SLC8A3: variants seen among roughly 807,000 people sequenced by gnomAD.
SLC8A3 encodes solute carrier family 8 member A3.
Under a neutral mutation model 65.4 loss-of-function variants are expected in SLC8A3, and 37 were observed. The observed-to-expected ratio is 0.57, with a 90% CI of 0.44 to 0.74. SLC8A3 has a LOEUF of 0.74. Among genes scored for constraint, SLC8A3 ranks in the 30% least tolerant of loss-of-function variants. The probability of loss-of-function intolerance (pLI) is 0.00; values close to 1 mark genes in which losing one functional copy is unlikely to be tolerated. For synonymous variants in SLC8A3, 461 were observed against 444.5 expected (o/e 1.04, Z -0.47); for missense variants, 1,112 against 1,172.1 (o/e 0.95, Z 0.75).
At chr14:70,137,990 T>C (rs56935411) in intron 2 of SLC8A3, among the ~76,000 whole-genome samples, 17,618 of 152,082 alleles carry the variant, frequency 0.12, 1,232 homozygotes, top group Non-Finnish European at 0.16. Context: ...CCGCTCAATC[T>C]CCTCCATACA....
rs752688816 is a variant in SLC8A3, at chr14:70,166,647, A to G, written c.1776T>C (p.Asp592=). 1 of 1,582,616 alleles carries G rather than the reference A, an allele frequency of 6.3e-7. No homozygotes were observed. Among genetic ancestry groups the G allele is most frequent in the Admixed American group, 1.8e-5 (1 of 57,024 alleles). The change falls in exon 2 of 7, where the codon GAT becomes GAC. Residue 592 remains aspartate, a synonymous_variant. Transcript: ENST00000356921. ...ACAGGAAGGTTACTTACACAGTTTCATCATTCTTGAATTCCAACTCCCCAT... is the reference window on the plus strand; with the variant it reads ...ACAGGAAGGTTACTTACACAGTTTCGTCATTCTTGAATTCCAACTCCCCAT... ...DTYGELEFKN[D]ETVKTIRVKI...
chr14:70,069,519 C>G (rs549519856), intron 2 of SLC8A3, among the ~76,000 whole-genome samples: 2 of 152,176 alleles, frequency 1.3e-5, no homozygotes, highest in Non-Finnish European at 2.9e-5. Context: ...GGAGGAGCTG[C>G]GAACCTTTCC....
Position 70,168,195 on chromosome 14 carries a change from C to T in SLC8A3, c.228G>A (p.Arg76=), listed in dbSNP as rs746154049. Residue 76 remains arginine (R), a synonymous_variant, in exon 2 of 7, where the codon AGG becomes AGA. Transcript: ENST00000356921. ...ENPSLGDKIA[R]VIVYFVALIY... ...TCAGGGCCACAAAATAGACAATGAC[C>T]CTGGCAATCTTGTCCCCAAGGGAAG... 1.9e-6 allele frequency: 3 copies of T among 1,613,960 alleles called. No individual in the cohort carries two copies. In the African/African-American group the frequency reaches 4.0e-5, roughly 22 times the overall value.
At position 70,045,776 on chromosome 14, in the gene SLC8A3, A is replaced by T; in HGVS notation, c.*171T>A. On this transcript the variant is annotated 3_prime_UTR_variant, in exon 7 of 7. Coordinates refer to ENST00000356921, the MANE Select transcript of SLC8A3 (RefSeq NM_182932.3). ...TTCCTCCATTGTTTGATTGATTAAGACTTTGCCCTTTCAGTTAATTGCCAG... is the reference window on the plus strand; with the variant it reads ...TTCCTCCATTGTTTGATTGATTAAGTCTTTGCCCTTTCAGTTAATTGCCAG... The T allele has an allele frequency of 1.7e-6, 1 of 592,026 alleles. No individual in the cohort carries two copies. Among genetic ancestry groups the T allele is most frequent in the South Asian group, 2.6e-5 (1 of 38,682 alleles). 36.7% of individuals were successfully genotyped at this position (592,026 alleles called of 1,614,324 possible).
chr14:70,118,711 C>G (rs1040201408), intron 2 of SLC8A3, among the ~76,000 whole-genome samples: 6 of 152,136 alleles, frequency 3.9e-5, no homozygotes, highest in Non-Finnish European at 8.8e-5. Flanking sequence ...TTCCAAGAGG[C>G]CTTTGAAGCA....
At chr14:70,075,785 G>T (rs1426952728) in intron 2 of SLC8A3, among the ~76,000 whole-genome samples, 2 of 152,078 alleles carry the variant, frequency 1.3e-5, no homozygotes, top group African/African-American at 4.8e-5. Flanking sequence ...TCTTTCATAG[G>T]TTCCCATTGC....
At chr14:70,158,940 A>G (rs1896728805) in intron 2 of SLC8A3, among the ~76,000 whole-genome samples, 1 of 152,200 alleles carries the variant, frequency 6.6e-6, no homozygotes, top group African/African-American at 2.4e-5. Flanking sequence ...AAAGCATTTG[A>G]TTCTTGCAAA....
chr14:70,168,251 C>T lies in SLC8A3; in HGVS notation c.172G>A (p.Val58Ile). Residue 58 changes from valine to isoleucine, a missense_variant, in exon 2 of 7, where the codon GTC becomes ATC. Coordinates refer to ENST00000356921, the MANE Select transcript of SLC8A3 (RefSeq NM_182932.3). ...TCCGGGTACCAGATTGGCAGGATGA[C>T]ACCCTCCTTGCAGTCCGATGACCCT... ...CSGSSDCKEG[V>I]ILPIWYPENP... 6.2e-7 allele frequency: 1 copy of T among 1,614,166 alleles called. No homozygotes were observed. The highest frequency in any genetic ancestry group is 8.5e-7 in the Non-Finnish European group (1 of 1,180,030).
chr14:70,157,293 A>G (rs1023311245), intron 2 of SLC8A3, among the ~76,000 whole-genome samples: 3 of 152,150 alleles, frequency 2.0e-5, no homozygotes, highest in African/African-American at 4.8e-5. Context: ...CCACTTATAG[A>G]TAAAACTGTT....
rs1374898128 is a variant in SLC8A3, at chr14:70,167,797, CA to C, written c.625del (p.Trp209GlyfsTer11). On this transcript the variant is annotated frameshift_variant, in exon 2 of 7. Transcript: ENST00000356921. LOFTEE classifies it high-confidence loss of function. ...GAGCCAGATGTAGGCAAAGATACTC[CA>C]AGCAGCGGTGATGAAGAAGACTCGT... ...HLRVFFITAA[W>X]SIFAYIWLYM... 6.2e-7 allele frequency: 1 copy of C among 1,614,120 alleles called. No individual in the cohort carries two copies. The highest frequency in any genetic ancestry group is 8.5e-7 in the Non-Finnish European group (1 of 1,180,034).
rs1566769411 is a variant in SLC8A3 at position 70,086,409 on chromosome 14, T to TTTTTC, written c.1785-25471_1785-25470insGAAAA. Among the ~76,000 whole-genome samples, 20 of 145,502 alleles carry TTTTTC rather than the reference T, an allele frequency of 1.4e-4. No homozygotes were observed. The East Asian group carries it at 3.6e-3, about 26-fold the overall frequency. On this transcript the variant is annotated intron_variant, in intron 2 of 6. Coordinates refer to ENST00000356921, the MANE Select transcript of SLC8A3 (RefSeq NM_182932.3). ...TTTTCTTTTTCTTTTTTCTTTTTTT[T>TTTTTC]TTTTTTTTTTGAGATGGAGTCTCAC...
chr14:70,086,157 T>C (rs1891417667), intron 2 of SLC8A3, among the ~76,000 whole-genome samples: 1 of 152,184 alleles, frequency 6.6e-6, no homozygotes, highest in African/African-American at 2.4e-5. Flanking sequence ...TGCTAAATGC[T>C]TTCAACACAT....
Position 70,122,379 on chromosome 14 carries a change from AC to A in SLC8A3, c.1784+44259del, listed in dbSNP as rs1401526319. On this transcript the variant is annotated intron_variant, in intron 2 of 6. Transcript: ENST00000356921. The stretch of plus-strand genomic sequence containing the variant: ...CCCATGGGGTCCTTGTCCCCCAACC[AC>A]CCCTGTAGAAGAACTCCATCTTTAC... Among the ~76,000 whole-genome samples, 5 of 151,694 alleles carry A rather than the reference AC, an allele frequency of 3.3e-5. No individual in the cohort carries two copies. The South Asian group carries it at 1.0e-3, about 32-fold the overall frequency.
intron 2 of SLC8A3, among the ~76,000 whole-genome samples, chr14:70,118,856 G>A (rs1379101292): frequency 1.3e-5 from 2 of 152,050 alleles, no homozygotes; most frequent in African/African-American, 4.8e-5. Flanking sequence ...ACACACAATT[G>A]GTTTTCTAGG....
At chr14:70,092,239 C>T (rs528204373) in intron 2 of SLC8A3, among the ~76,000 whole-genome samples, 4 of 152,234 alleles carry the variant, frequency 2.6e-5, no homozygotes, top group African/African-American at 7.2e-5. Context: ...GTTTCTGTCT[C>T]GGGTGCACTT....
intron 2 of SLC8A3, among the ~76,000 whole-genome samples, chr14:70,079,200 G>A (rs1890806828): frequency 6.6e-6 from 1 of 151,912 alleles, no homozygotes; most frequent in Non-Finnish European, 1.5e-5. Flanking sequence ...TCTGTTGAAT[G>A]AGGCTAGGCA....
At position 70,046,223 on chromosome 14, in the gene SLC8A3, G is replaced by A. The variant is rs760608803; in HGVS notation, c.2490C>T (p.Ile830=). 29 of 1,614,114 alleles carry A rather than the reference G, an allele frequency of 1.8e-5. No individual in the cohort carries two copies. Among genetic ancestry groups the A allele is most frequent in the Non-Finnish European group, 2.3e-5 (27 of 1,180,040 alleles). The part of the protein sequence containing the change: ...GSNAVNVFLG[I]GLAWSVAAIY... ...TGGCGGCCACGGACCAGGCCAGGCC[G>A]ATGCCCAGGAAGACATTGACGGCGT... Residue 830 remains isoleucine (I), a synonymous_variant, in exon 7 of 7, where the codon ATC becomes ATT. Coordinates refer to ENST00000356921, the MANE Select transcript of SLC8A3 (RefSeq NM_182932.3). The surrounding 1 kb of genome is among the most constrained non-coding windows in gnomAD (Gnocchi z 4.2).
At chr14:70,059,877 G>T (rs1888581775) in intron 3 of SLC8A3, among the ~76,000 whole-genome samples, 1 of 152,062 alleles carries the variant, frequency 6.6e-6, no homozygotes, top group African/African-American at 2.4e-5. Context: ...CCTTTTCTGG[G>T]GCCCCTGGCT....
In SLC8A3 at chr14:70,046,134, G is replaced by A. The variant is rs1886753628; in HGVS notation, c.2579C>T (p.Thr860Ile). ...VSAGTLAFSV[T>I]LFTIFAFVCI... Reference sequence around the variant, plus strand: ...GACAAATGCAAAGATGGTGAAGAGGGTGACGGAGAAGGCCAGTGTGCCGGC... The same window carrying A: ...GACAAATGCAAAGATGGTGAAGAGGATGACGGAGAAGGCCAGTGTGCCGGC... Residue 860 changes from threonine (T) to isoleucine (I), a missense_variant, in exon 7 of 7, where the codon ACC becomes ATC. Coordinates refer to ENST00000356921, the MANE Select transcript of SLC8A3 (RefSeq NM_182932.3). The surrounding 1 kb of genome is among the most constrained non-coding windows in gnomAD (Gnocchi z 4.2). 6.2e-7 allele frequency: 1 copy of A among 1,614,076 alleles called. No individual in the cohort carries two copies. Among genetic ancestry groups the A allele is most frequent in the South Asian group, 1.1e-5 (1 of 91,082 alleles).
Sources: gnomAD v4.1 joint callset for allele counts (sites outside exome capture counted in the v4.1 genomes callset) on GRCh38, gnomAD v4.1.1 for gene constraint, Gnocchi (gnomAD v3.1) non-coding constraint, MANE v1.5 for transcripts, NCBI Gene and HGNC (gene_info 2026-07-23, HGNC 2026-07-21) for gene names.